GPR4: variants seen among roughly 807,000 people sequenced by gnomAD.
GPR4 encodes G-prodeshotein coupled receptor 4.
A neutral mutation model predicts 17.8 loss-of-function variants in GPR4; 11 were observed. That is an observed-to-expected ratio of 0.62 (90% confidence interval 0.39 to 1.02). The LOEUF (loss-of-function observed/expected upper bound fraction) is 1.02. Ranked by LOEUF, GPR4 falls within the 50% of genes least tolerant of loss-of-function variation. The pLI is 0.00. For synonymous variants in GPR4, 219 were observed against 222.8 expected (o/e 0.98, Z 0.15); for missense variants, 364 against 495.4 (o/e 0.73, Z 2.52).
In GPR4 at chr19:45,591,108, G is replaced by T; in HGVS notation, c.759C>A (p.Gly253=). Residue 253 remains glycine, a synonymous_variant, in exon 2 of 2, where the codon GGC becomes GGA. Coordinates refer to ENST00000323040, the MANE Select transcript of GPR4 (RefSeq NM_005282.3). This position sits in a 1 kb window ranked among gnomAD's most constrained non-coding sequence, Gnocchi z 7.6. ...CCTCGAAGCCGCAGTCCCAGGGGCG[G>T]CCCAGGTAGATGGCGCTGCGGGACA... is the stretch of plus-strand genomic sequence containing the variant. ...LLLSRSAIYL[G]RPWDCGFEER... is the part of the protein sequence containing the mutation. 1 of 1,613,810 alleles carries T rather than the reference G, an allele frequency of 6.2e-7. No homozygotes were observed. The highest frequency in any genetic ancestry group is 8.5e-7 in the Non-Finnish European group (1 of 1,179,994).
At chr19:45,597,714 C>T (rs1970071616) in intron 1 of GPR4, among the ~76,000 whole-genome samples, 1 of 152,180 alleles carries the variant, frequency 6.6e-6, no homozygotes, top group African/African-American at 2.4e-5. Flanking sequence ...ATGAGGCTGC[C>T]CCACCCCACC....
intron 1 of GPR4, among the ~76,000 whole-genome samples, chr19:45,594,894 G>C (rs1300570333): frequency 6.6e-6 from 1 of 151,966 alleles, no homozygotes; most frequent in Non-Finnish European, 1.5e-5. Context: ...GAGGCGAGAG[G>C]ATTGCTTGAG....
chr19:45,599,918 T>C (rs1227074244), intron 1 of GPR4, among the ~76,000 whole-genome samples: 2 of 152,206 alleles, frequency 1.3e-5, no homozygotes, highest in African/African-American at 4.8e-5. Flanking sequence ...ACTTTCATAA[T>C]CTATTATTAA....
At chr19:45,595,463 G>A (rs1331007999) in intron 1 of GPR4, among the ~76,000 whole-genome samples, 3 of 151,998 alleles carry the variant, frequency 2.0e-5, no homozygotes, top group African/African-American at 7.2e-5. Context: ...GGAAGCCCTG[G>A]GGTTAGCGCC....
At chr19:45,598,671 C>T (rs1024385383) in intron 1 of GPR4, among the ~76,000 whole-genome samples, 4 of 152,062 alleles carry the variant, frequency 2.6e-5, no homozygotes, top group Non-Finnish European at 5.9e-5. Flanking sequence ...ACAGTGCAGC[C>T]GACGTATGTG....
chr19:45,594,077 T>TATATATATATATATTTG (rs1555738336), intron 1 of GPR4, among the ~76,000 whole-genome samples: 4 of 90,382 alleles, frequency 4.4e-5, no homozygotes, highest in Admixed American at 1.2e-4. Context: ...TATATATATA[T>TATATATATATATATTTG]ATATATATAT....
At chr19:45,598,852 T>C (rs562879167) in intron 1 of GPR4, among the ~76,000 whole-genome samples, 1 of 152,230 alleles carries the variant, frequency 6.6e-6, no homozygotes, top group African/African-American at 2.4e-5. Flanking sequence ...TTCTCTTCAC[T>C]CTCTGAACTT....
chr19:45,594,727 A>C (rs1970039655), intron 1 of GPR4, among the ~76,000 whole-genome samples: 1 of 144,598 alleles, frequency 6.9e-6, no homozygotes, highest in African/African-American at 2.6e-5. Flanking sequence ...TCATGCCTGT[A>C]ATCCCAGCAC....
rs537231770 is a variant in GPR4 at position 45,598,658 on chromosome 19, G to A, written c.-832+3437C>T. On this transcript the variant is annotated intron_variant, in intron 1 of 1. Transcript: ENST00000323040. ...GCATGGAACGTCAGACTCTTAGAAC[G>A]CCACAGTGCAGCCGACGTATGTGTG... is the stretch of plus-strand genomic sequence containing the variant. Among the ~76,000 whole-genome samples, 146 of 152,194 alleles carry A rather than the reference G, an allele frequency of 9.6e-4. 1 individual carries two copies. The highest frequency in any genetic ancestry group is 2.1e-3 in the East Asian group (11 of 5,178).
At chr19:45,597,120 G>A (rs925530554) in intron 1 of GPR4, among the ~76,000 whole-genome samples, 2 of 151,868 alleles carry the variant, frequency 1.3e-5, no homozygotes, top group East Asian at 1.9e-4. Flanking sequence ...CCAGGCTGGA[G>A]TGCAGTGGCA....
intron 1 of GPR4, among the ~76,000 whole-genome samples, chr19:45,599,263 C>T (rs1162521850): frequency 6.6e-6 from 1 of 152,116 alleles, no homozygotes; most frequent in Non-Finnish European, 1.5e-5. Context: ...CCCCAAAATC[C>T]AGCAAAGCTG....
At position 45,591,120 on chromosome 19, in the gene GPR4, G is replaced by A. The variant is rs374200787; in HGVS notation, c.747C>T (p.Ala249=). The part of the protein sequence containing the change: ...PYHVLLLSRS[A]IYLGRPWDCG... ...AGTCCCAGGGGCGGCCCAGGTAGAT[G>A]GCGCTGCGGGACAGCAAGAGCACGT... Residue 249 remains alanine (A), a synonymous_variant, in exon 2 of 2, where the codon GCC becomes GCT. Coordinates refer to ENST00000323040, the MANE Select transcript of GPR4 (RefSeq NM_005282.3). This position sits in a 1 kb window ranked among gnomAD's most constrained non-coding sequence, Gnocchi z 7.6. 50 of 1,613,670 alleles carry A rather than the reference G, an allele frequency of 3.1e-5. No individual in the cohort carries two copies. Among genetic ancestry groups the A allele is most frequent in the Non-Finnish European group, 4.2e-5 (49 of 1,179,986 alleles).
At chr19:45,601,552 GA>G (rs550436509) in intron 1 of GPR4, among the ~76,000 whole-genome samples, 9 of 152,256 alleles carry the variant, frequency 5.9e-5, no homozygotes, top group Admixed American at 2.0e-4. Context: ...CAGCCCAGAG[GA>G]AAGTTCCGGG....
chr19:45,591,940 T>C lies in GPR4; in HGVS notation c.-74A>G. The C allele has an allele frequency of 6.7e-7, 1 of 1,482,806 alleles. No homozygotes were observed. The highest frequency in any genetic ancestry group is 9.0e-7 in the Non-Finnish European group (1 of 1,110,148). 91.9% of individuals were successfully genotyped at this position (1,482,806 alleles called of 1,614,324 possible). ...TGGGGCCACAGGGAGCGGGAGGCCA[T>C]GGGGCCCCCTGAGCCCCTTCCTTGG... On this transcript the variant is annotated 5_prime_UTR_variant, in exon 2 of 2. The change abolishes an upstream ATG in the 5' untranslated region. Transcript: ENST00000323040. The surrounding 1 kb of genome is among the most constrained non-coding windows in gnomAD (Gnocchi z 7.6).
At chr19:45,598,968 G>A (rs1970085338) in intron 1 of GPR4, among the ~76,000 whole-genome samples, 1 of 152,126 alleles carries the variant, frequency 6.6e-6, no homozygotes. Flanking sequence ...TCCATCACCT[G>A]ATCCCCATAA....
At chr19:45,594,718 C>T (rs1970039518) in intron 1 of GPR4, among the ~76,000 whole-genome samples, 1 of 152,050 alleles carries the variant, frequency 6.6e-6, no homozygotes, top group African/African-American at 2.4e-5. Context: ...CACAGTGGCT[C>T]ATGCCTGTAA....
intron 1 of GPR4, among the ~76,000 whole-genome samples, chr19:45,594,524 T>C (rs1451322866): frequency 6.6e-6 from 1 of 152,000 alleles, no homozygotes; most frequent in African/African-American, 2.4e-5. Flanking sequence ...GGATATTACT[T>C]CTTTGAAATT....
intron 1 of GPR4, among the ~76,000 whole-genome samples, chr19:45,601,105 G>A (rs1970106623): frequency 6.6e-6 from 1 of 152,128 alleles, no homozygotes; most frequent in Non-Finnish European, 1.5e-5. Flanking sequence ...CAGGAGGAGG[G>A]GGGCTGATGG....
chr19:45,600,023 C>A (rs960092576), intron 1 of GPR4, among the ~76,000 whole-genome samples: 3 of 152,142 alleles, frequency 2.0e-5, no homozygotes, highest in East Asian at 1.9e-4. Flanking sequence ...ATACGGTGAG[C>A]CCCACTTCCT....
Sources: allele counts gnomAD v4.1 joint callset (sites outside exome capture counted in the v4.1 genomes callset), GRCh38; gene constraint gnomAD v4.1.1; non-coding constraint Gnocchi (gnomAD v3.1); transcripts MANE v1.5; gene names NCBI Gene and HGNC (gene_info 2026-07-23, HGNC 2026-07-21).